XAGE2: variants seen among roughly 807,000 people sequenced by gnomAD.
XAGE2 encodes X antigen family member 2.
XAGE2 carries 7 observed loss-of-function variants against 9.9 expected under a neutral mutation model. That is an observed-to-expected ratio of 0.71 (90% CI 0.40 to 1.32). The LOEUF is 1.32. XAGE2 is among the 40% of genes most tolerant of loss of function. The pLI, the probability that XAGE2 is intolerant of heterozygous loss-of-function variation, is 0.01. For missense variants in XAGE2, 85 were observed against 81.0 expected, an observed-to-expected ratio of 1.05 and a Z score of -0.19; for synonymous variants, 31 against 26.8, an observed-to-expected ratio of 1.16 and a Z score of -0.48.
Position 52,375,585 on chromosome X carries a change from G to A in XAGE2, c.330G>A (p.Gln110=). 1.7e-6 allele frequency: 2 copies of A among 1,203,919 alleles called. No individual in the cohort carries two copies. The highest frequency in any genetic ancestry group is 3.0e-5 in the East Asian group (1 of 33,673). ...KMPEAGEGKS[Q]V ...CTATTACAGGTGAAGGGAAATCACA[G>A]GTTTAAAGGAAGATAAGCTGAAACA... Residue 110 remains glutamine (Q), a synonymous_variant, in exon 5 of 5, where the codon CAG becomes CAA. Coordinates refer to ENST00000286049, the MANE Select transcript of XAGE2 (RefSeq NM_130777.3).
At chrX:52,372,811 A>C in intron 4 of XAGE2, 142 bp downstream of exon 4, 2 of 824,710 alleles carry the variant, frequency 2.4e-6, no homozygotes, top group Non-Finnish European at 1.7e-6. Flanking sequence ...TTCAGATCCC[A>C]ATGCCTGACT....
intron 4 of XAGE2, 119 bp downstream of exon 4, chrX:52,372,788 C>A: frequency 1.0e-6 from 1 of 962,905 alleles, no homozygotes; most frequent in Non-Finnish European, 1.5e-6. Flanking sequence ...TACACACTTT[C>A]TTTGAAAGGT....
intron 3 of XAGE2, 111 bp from the exon 4 acceptor site, chrX:52,372,431 TCA>T (rs1321353768): frequency 2.1e-6 from 2 of 974,570 alleles, no homozygotes; most frequent in Non-Finnish European, 2.9e-6. Context: ...ACATTTATTA[TCA>T]CACTAGCCTA....
intron 4 of XAGE2, 142 bp downstream of exon 4, chrX:52,372,811 A>G: frequency 1.2e-6 from 1 of 824,710 alleles, no homozygotes; most frequent in Non-Finnish European, 1.7e-6. Context: ...TTCAGATCCC[A>G]ATGCCTGACT....
rs1921219298 is a variant in XAGE2 at position 52,372,628 on chromosome X, A to T, written c.272A>T (p.Lys91Met). The T allele has an allele frequency of 1.5e-5, 18 of 1,211,577 alleles. No homozygotes were observed. In the South Asian group the frequency reaches 3.2e-4, roughly 21 times the overall value. ...GAAGGTGGTACTGATGTCAAGGGGA[A>T]GATTCTACCAAAAGCAGAGCACTTT... ...GCEGGTDVKG[K>M]ILPKAEHFKM... Residue 91 changes from lysine to methionine, a missense_variant, in exon 4 of 5, where the codon AAG (lysine) becomes ATG (methionine). Lys to Met is a moderately conservative substitution (Grantham distance 95). Transcript: ENST00000286049.
intron 2 of XAGE2, 40 bp from the exon 3 acceptor site, chrX:52,370,527 A>C: frequency 3.5e-6 from 4 of 1,135,019 alleles, no homozygotes; most frequent in Non-Finnish European, 4.8e-6. Flanking sequence ...TACTAACAAA[A>C]CTTTTTATCT....
Position 52,372,681 on chromosome X carries a change from A to G in XAGE2, c.313+12A>G. The G allele has an allele frequency of 8.3e-7, 1 of 1,209,869 alleles. No individual in the cohort carries two copies. On this transcript the variant is annotated intron_variant, in intron 4 of 4. Transcript: ENST00000286049. ...AATGCCAGAAGCAGGTGTGTTATTC[A>G]TTAAGACACAAAGTTATGTGATTTC...
At chrX:52,369,438 C>A (rs1031661171) in intron 1 of XAGE2, among the ~76,000 whole-genome samples, 22 of 110,399 alleles carry the variant, frequency 2.0e-4, no homozygotes, top group Non-Finnish European at 3.4e-4. Flanking sequence ...TTGGTAGGGA[C>A]CCAGGAATGG....
At chrX:52,374,760 C>T (rs1921273365) in intron 4 of XAGE2, among the ~76,000 whole-genome samples, 1 of 111,089 alleles carries the variant, frequency 9.0e-6, no homozygotes, top group African/African-American at 3.3e-5. Context: ...CTCCATTTCC[C>T]TTTCCGTTTC....
intron 3 of XAGE2, among the ~76,000 whole-genome samples, chrX:52,370,920 A>T (rs1377956113): frequency 1.8e-5 from 2 of 111,952 alleles, no homozygotes; most frequent in Non-Finnish European, 3.8e-5. Context: ...GCTAAATCAG[A>T]TGAAACTGTT....
At chrX:52,375,098 T>A (rs926347107) in intron 4 of XAGE2, among the ~76,000 whole-genome samples, 3 of 112,158 alleles carry the variant, frequency 2.7e-5, no homozygotes, top group Non-Finnish European at 5.6e-5. Context: ...TTAACTCTTT[T>A]CTTAAAAGAT....
intron 3 of XAGE2, 108 bp from the exon 4 acceptor site, chrX:52,372,436 C>A: frequency 2.0e-6 from 2 of 1,011,773 alleles, no homozygotes; most frequent in Non-Finnish European, 2.8e-6. Context: ...TATTATCACA[C>A]TAGCCTACAG....
chrX:52,372,498 A>G, intron 3 of XAGE2, 46 bp from the exon 4 acceptor site: 1 of 1,202,796 alleles, frequency 8.3e-7, no homozygotes, highest in East Asian at 3.0e-5. Context: ...CCTTATTTAT[A>G]CTTCATGTTT....
intron 3 of XAGE2, 40 bp from the exon 4 acceptor site, chrX:52,372,504 T>A: frequency 3.3e-6 from 4 of 1,206,366 alleles, no homozygotes; most frequent in African/African-American, 1.7e-5. Context: ...TTATACTTCA[T>A]GTTTTTGTAC....
chrX:52,370,777 A>G (rs1385565686), intron 3 of XAGE2, 105 bp downstream of exon 3: 11 of 798,331 alleles, frequency 1.4e-5, no homozygotes, highest in Non-Finnish European at 2.0e-5. Flanking sequence ...ACATTAGGAA[A>G]GGATCTCAAG....
Position 52,372,611 on chromosome X carries a change from T to A in XAGE2, c.255T>A (p.Gly85=). 8.3e-7 allele frequency: 1 copy of A among 1,211,543 alleles called. No individual in the cohort carries two copies. The highest frequency in any genetic ancestry group is 1.8e-5 in the South Asian group (1 of 56,977). ...QTKTGDGCEG[G]TDVKGKILPK... ...AGACTGGGGATGGATGTGAAGGTGG[T>A]ACTGATGTCAAGGGGAAGATTCTAC... The change falls in exon 4 of 5, where the codon GGT becomes GGA. Residue 85 remains glycine, a synonymous_variant. Transcript: ENST00000286049.
chrX:52,373,298 T>C (rs969325549), intron 4 of XAGE2, among the ~76,000 whole-genome samples: 38 of 112,400 alleles, frequency 3.4e-4, no homozygotes, highest in African/African-American at 1.0e-3. Context: ...CTGCTTGATG[T>C]TTGTTTTCCA....
chrX:52,369,752 A>C (rs2146413438), intron 1 of XAGE2, among the ~76,000 whole-genome samples: 1 of 112,668 alleles, frequency 8.9e-6, no homozygotes, highest in East Asian at 2.8e-4. Context: ...TCCAACTGTG[A>C]AACCAAATCT....
chrX:52,371,690 T>C, intron 3 of XAGE2, among the ~76,000 whole-genome samples: 1 of 111,911 alleles, frequency 8.9e-6, no homozygotes. Flanking sequence ...CTCAATTTCC[T>C]GAATTCTCAT....
Sources: allele counts gnomAD v4.1 joint callset (sites outside exome capture counted in the v4.1 genomes callset), GRCh38; gene constraint gnomAD v4.1.1; transcripts MANE v1.5; gene names NCBI Gene and HGNC (gene_info 2026-07-23, HGNC 2026-07-21).